Variants in MAP3K21 observed in about 807,000 individuals in gnomAD.
The protein encoded by MAP3K21 is mitogen-activated protein kinase kinase kinase MLK4.
A neutral mutation model predicts 86.1 loss-of-function variants in MAP3K21; 63 were observed. The observed-to-expected ratio is 0.73, with a 90% CI of 0.60 to 0.90. The LOEUF (loss-of-function observed/expected upper bound fraction) is 0.90, where lower values mean the gene tolerates loss of function less well. MAP3K21 is among the 40% of genes least tolerant of loss of function. MAP3K21 has a pLI of 0.00. For missense variants in MAP3K21, 1,220 were observed against 1,367.7 expected (o/e 0.89, Z 1.70); for synonymous variants, 558 against 564.8 (o/e 0.99, Z 0.17).
chr1:233,372,115 C>T lies in MAP3K21; in HGVS notation c.1630C>T (p.Pro544Ser). 6.2e-7 allele frequency: 1 copy of T among 1,614,114 alleles called. No individual in the cohort carries two copies. Among genetic ancestry groups the T allele is most frequent in the Non-Finnish European group, 8.5e-7 (1 of 1,180,002 alleles). Residue 544 changes from proline to serine, a missense_variant, in exon 6 of 10, where the codon CCC (proline) becomes TCC (serine). Physicochemically the swap from Pro to Ser is moderately conservative, Grantham distance 74. Around this residue, in one of 5 missense-constraint regions of MAP3K21, gnomAD observed 632 missense variants for 691.3 expected, o/e 0.91. Transcript: ENST00000366624. ...GAGCCTGAACAGCAGCAGTTCCAGT[C>T]CCCCGAGCAGCCCCACAATGATGCC... ...RRSLNSSSSSPPSSPTMMPRL... is the reference protein window; with the variant it reads ...RRSLNSSSSSSPSSPTMMPRL...
intron 6 of MAP3K21, among the ~76,000 whole-genome samples, chr1:233,374,562 C>G (rs1055292473): frequency 2.6e-5 from 4 of 152,010 alleles, no homozygotes; most frequent in African/African-American, 9.7e-5. Context: ...ATGTAAGTAA[C>G]CAAACATCAT....
At position 233,351,798 on chromosome 1, in the gene MAP3K21, A is replaced by G. The variant is rs142781371; in HGVS notation, c.987-2009A>G. ...AAAAGTTAAAGCTAATGAGGTTTTA[A>G]AAGATTAGGAAAGTGAATAGAGCTT... On this transcript the variant is annotated intron_variant, in intron 2 of 9. Transcript: ENST00000366624. Among the ~76,000 whole-genome samples the G allele has an allele frequency of 3.3e-5, 5 of 152,360 alleles. No homozygotes were observed. The East Asian group carries it at 9.6e-4, about 29-fold the overall frequency.
chr1:233,347,399 T>TA (rs1157503221), intron 2 of MAP3K21, among the ~76,000 whole-genome samples: 1 of 152,214 alleles, frequency 6.6e-6, no homozygotes, highest in African/African-American at 2.4e-5. Flanking sequence ...TTTGTCTCAT[T>TA]AGAAGGATGC....
intron 5 of MAP3K21, among the ~76,000 whole-genome samples, chr1:233,370,554 A>G (rs1468883516): frequency 6.6e-6 from 1 of 152,218 alleles, no homozygotes; most frequent in Non-Finnish European, 1.5e-5. Flanking sequence ...CCAACTTCCA[A>G]ATCCTCTTCA....
At chr1:233,339,253 T>TTCCTGTTCTTCTTCCTCTTCTTCTTCC (rs1558450778) in intron 1 of MAP3K21, among the ~76,000 whole-genome samples, 1 of 60,130 alleles carries the variant, frequency 1.7e-5, no homozygotes, top group Admixed American at 2.0e-4. Context: ...CTTCTTCTTC[T>TTCCTGTTCTTCTTCCTCTTCTTCTTCC]TCTTCTTCTT....
chr1:233,353,964 T>A lies in MAP3K21; in HGVS notation c.1135+9T>A. The A allele has an allele frequency of 6.7e-7, 1 of 1,503,338 alleles. No individual in the cohort carries two copies. The highest frequency in any genetic ancestry group is 8.9e-7 in the Non-Finnish European group (1 of 1,121,650). 93.1% of individuals were successfully genotyped at this position (1,503,338 alleles called of 1,614,324 possible). On this transcript the variant is annotated intron_variant, in intron 3 of 9. Coordinates refer to ENST00000366624, the MANE Select transcript of MAP3K21 (RefSeq NM_032435.3). Reference sequence around the variant, plus strand: ...TGCCAAGCTCATGAAAGGTATTGTGTGTGTGTGTGTGTGTCTTTGTGGGGG... The same window carrying A: ...TGCCAAGCTCATGAAAGGTATTGTGAGTGTGTGTGTGTGTCTTTGTGGGGG...
chr1:233,359,491 C>G (rs1663427331), intron 4 of MAP3K21, among the ~76,000 whole-genome samples: 1 of 152,120 alleles, frequency 6.6e-6, no homozygotes, highest in South Asian at 2.1e-4. Context: ...CCTTTCTTGT[C>G]CACAGATTGC....
chr1:233,332,363 G>A (rs1241532925), intron 1 of MAP3K21, among the ~76,000 whole-genome samples: 1 of 152,020 alleles, frequency 6.6e-6, no homozygotes, highest in Non-Finnish European at 1.5e-5. Context: ...AAGGCACTCC[G>A]AGGAAGGACC....
intron 1 of MAP3K21, among the ~76,000 whole-genome samples, chr1:233,345,827 C>T (rs1293511041): frequency 2.6e-5 from 4 of 152,052 alleles, no homozygotes; most frequent in African/African-American, 9.7e-5. Context: ...GCATCAGCTT[C>T]ACTCCCGGGA....
chr1:233,384,986 G>C lies in MAP3K21; in HGVS notation c.*2275G>C, dbSNP rs1165215999. The C allele has an allele frequency of 6.6e-6, 1 of 152,226 alleles. No individual in the cohort carries two copies. The highest frequency in any genetic ancestry group is 2.4e-5 in the African/African-American group (1 of 41,460). The allele number at this position is 152,226 out of a possible 1,614,324, so 9.4% of individuals were successfully genotyped here. The stretch of plus-strand genomic sequence containing the variant: ...TGTGTAGGCTTAATGTTCACTGAAA[G>C]ATAAGTCAATTACTGTTAGTAAAAA... On this transcript the variant is annotated 3_prime_UTR_variant, in exon 10 of 10. Coordinates refer to ENST00000366624, the MANE Select transcript of MAP3K21 (RefSeq NM_032435.3).
At position 233,376,411 on chromosome 1, in the gene MAP3K21, A is replaced by C; in HGVS notation, c.1827-19A>C. On this transcript the variant is annotated intron_variant, in intron 7 of 9. Transcript: ENST00000366624. ...TTGTGTGCTTCTATCTTATGAAAAGAAACATTTTTCTCTTGTAGGATAAGA... is the reference window on the plus strand; with the variant it reads ...TTGTGTGCTTCTATCTTATGAAAAGCAACATTTTTCTCTTGTAGGATAAGA... The C allele has an allele frequency of 5.8e-6, 9 of 1,561,648 alleles. No individual in the cohort carries two copies. The highest frequency in any genetic ancestry group is 2.7e-5 in the African/African-American group (2 of 73,738).
Position 233,379,219 on chromosome 1 carries a change from A to G in MAP3K21, c.2213A>G (p.Asp738Gly), listed in dbSNP as rs747520815. Residue 738 changes from aspartate to glycine, a missense_variant, in exon 9 of 10, where the codon GAC becomes GGC. This residue lies in a region of MAP3K21 where 632 missense variants were observed against 691.3 expected (regional missense o/e 0.91). Transcript: ENST00000366624. ...VLLASVALGL[D>G]LRELHKAQAA... ...CTGGCATCGGTGGCTCTGGGACTGG[A>G]CCTCAGAGAGCTTCATAAAGCACAG... is the stretch of plus-strand genomic sequence containing the variant. 5 of 1,614,180 alleles carry G rather than the reference A, an allele frequency of 3.1e-6. No individual in the cohort carries two copies. In the South Asian group the frequency reaches 4.4e-5, roughly 14 times the overall value.
intron 1 of MAP3K21, among the ~76,000 whole-genome samples, chr1:233,343,452 G>A (rs937973226): frequency 1.3e-5 from 2 of 152,236 alleles, no homozygotes; most frequent in East Asian, 1.9e-4. Context: ...CAAACCAGGC[G>A]GGTTGGCCCT....
chr1:233,368,483 A>G (rs577445926), intron 5 of MAP3K21, among the ~76,000 whole-genome samples: 3 of 151,950 alleles, frequency 2.0e-5, no homozygotes, highest in Admixed American at 6.6e-5. Context: ...GTGAAACCCC[A>G]TTTCTACAAA....
At chr1:233,350,177 A>G (rs1035735576) in intron 2 of MAP3K21, among the ~76,000 whole-genome samples, 1 of 152,194 alleles carries the variant, frequency 6.6e-6, no homozygotes, top group Non-Finnish European at 1.5e-5. Context: ...ATTACCTAAT[A>G]CAATGTGAAT....
In MAP3K21 at chr1:233,379,666, C is replaced by T. The variant is rs563793926; in HGVS notation, c.2660C>T (p.Pro887Leu). 3.2e-5 allele frequency: 51 copies of T among 1,613,644 alleles called. No individual in the cohort carries two copies. The highest frequency in any genetic ancestry group is 4.0e-5 in the African/African-American group (3 of 75,046). The change falls in exon 9 of 10, where the codon CCG becomes CTG. Residue 887 changes from proline to leucine, a missense_variant. Physicochemically the swap from Pro to Leu is moderately conservative, Grantham distance 98. This residue lies in a region of MAP3K21 where 632 missense variants were observed against 691.3 expected (regional missense o/e 0.91). Coordinates refer to ENST00000366624, the MANE Select transcript of MAP3K21 (RefSeq NM_032435.3). ...TACTGTGCTTCTTCAAAACATAGAC[C>T]GTCACATCACAGACGGACCATGTCT... ...VPYCASSKHR[P>L]SHHRRTMSDG...
At chr1:233,331,316 A>T (rs188598423) in intron 1 of MAP3K21, among the ~76,000 whole-genome samples, 1 of 152,346 alleles carries the variant, frequency 6.6e-6, no homozygotes, top group East Asian at 1.9e-4. Context: ...ATTTGTTACA[A>T]TATGACCATT....
chr1:233,329,576 C>T (rs1303805928), intron 1 of MAP3K21, among the ~76,000 whole-genome samples: 1 of 152,028 alleles, frequency 6.6e-6, no homozygotes, highest in African/African-American at 2.4e-5. Flanking sequence ...ATCACTTGAA[C>T]CCGGGAGGCG....
chr1:233,376,448 T>C lies in MAP3K21; in HGVS notation c.1845T>C (p.Asp615=). 2 of 1,613,156 alleles carry C rather than the reference T, an allele frequency of 1.2e-6. No individual in the cohort carries two copies. The highest frequency in any genetic ancestry group is 1.3e-5 in the African/African-American group (1 of 75,028). ...DCKERIRPLS[D]GNSPWSTILI... Reference sequence around the variant, plus strand: ...CTTGTAGGATAAGACCTCTCTCCGATGGCAACAGTCCTTGGTCAACTATCT... The same window carrying C: ...CTTGTAGGATAAGACCTCTCTCCGACGGCAACAGTCCTTGGTCAACTATCT... The change falls in exon 8 of 10, where the codon GAT becomes GAC. Residue 615 remains aspartate, a synonymous_variant. Coordinates refer to ENST00000366624, the MANE Select transcript of MAP3K21 (RefSeq NM_032435.3).
Sources: gnomAD v4.1 joint callset for allele counts (sites outside exome capture counted in the v4.1 genomes callset) on GRCh38, gnomAD v4.1.1 for gene constraint, gnomAD v4.1.1 regional missense constraint, MANE v1.5 for transcripts, NCBI Gene and HGNC (gene_info 2026-07-23, HGNC 2026-07-21) for gene names.